Variants in L3HYPDH observed in about 807,000 individuals in gnomAD.
L3HYPDH encodes trans-3-hydroxy-L-proline dehydratase.
A neutral mutation model predicts 26.5 loss-of-function variants in L3HYPDH; 32 were observed. The ratio of observed to expected loss-of-function variants is 1.21; its 90% confidence interval spans 0.91 to 1.62. The LOEUF (loss-of-function observed/expected upper bound fraction) is 1.62, where lower values mean the gene tolerates loss of function less well. L3HYPDH is among the 40% of genes most tolerant of loss of function. The pLI, the probability that L3HYPDH is intolerant of heterozygous loss-of-function variation, is 0.00. For synonymous variants in L3HYPDH, 215 were observed against 196.6 expected (o/e 1.09, Z -0.78); for missense variants, 554 against 476.4 (o/e 1.16, Z -1.52).
chr14:59,493,213 C>T, the L3HYPDH span, among the ~76,000 whole-genome samples: 1 of 152,298 alleles, frequency 6.6e-6, no homozygotes, highest in South Asian at 2.1e-4. Context: ...CAGAAATTCA[C>T]ACCTGCATGC....
chr14:59,474,682 C>T (rs1889506493), intron 4 of L3HYPDH: 3 of 561,876 alleles, frequency 5.3e-6, no homozygotes, highest in Middle Eastern at 2.7e-4. Context: ...TCCAATTCTC[C>T]GTTTTATCAT....
intron 1 of L3HYPDH, among the ~76,000 whole-genome samples, chr14:59,481,106 G>A (rs562323829): frequency 6.6e-6 from 1 of 152,272 alleles, no homozygotes; most frequent in East Asian, 1.9e-4. Flanking sequence ...TCTTGGGTCT[G>A]GTTTTCTTAG....
intron 1 of L3HYPDH, 50 bp downstream of exon 1, chr14:59,483,759 C>T: frequency 3.2e-6 from 5 of 1,571,802 alleles, no homozygotes; most frequent in Non-Finnish European, 4.3e-6. Flanking sequence ...TGTAGTTAGT[C>T]GCGTCCCGGT....
chr14:59,484,157 T>G lies in L3HYPDH; in HGVS notation c.160A>C (p.Met54Leu). 1.2e-6 allele frequency: 2 copies of G among 1,600,842 alleles called. No individual in the cohort carries two copies. The highest frequency in any genetic ancestry group is 1.1e-5 in the South Asian group (1 of 90,932). ...GPTLLAKRRY[M>L]RQHLDHVRRR... ...CGCACGTGGTCAAGGTGCTGGCGCA[T>G]GTAGCGCCGCTTGGCCAGCAGGGTG... Residue 54 changes from methionine to leucine, a missense_variant, in exon 1 of 5, where the codon ATG becomes CTG. Coordinates refer to ENST00000247194, the MANE Select transcript of L3HYPDH (RefSeq NM_144581.2).
Position 59,472,678 on chromosome 14 carries a change from G to A in L3HYPDH, c.*287C>T, listed in dbSNP as rs1889350572. The stretch of plus-strand genomic sequence containing the variant: ...TGATATTAATAGTAATTACTATAGA[G>A]CAATATTTTAAAAGTAACTACTGTT... On this transcript the variant is annotated 3_prime_UTR_variant, in exon 5 of 5. Coordinates refer to ENST00000247194, the MANE Select transcript of L3HYPDH (RefSeq NM_144581.2). 1 of 249,298 alleles carries A rather than the reference G, an allele frequency of 4.0e-6. No homozygotes were observed. 15.4% of individuals were successfully genotyped at this position (249,298 alleles called of 1,614,324 possible).
At chr14:59,468,048 G>A (rs1487035960), downstream of L3HYPDH, among the ~76,000 whole-genome samples, 1 of 138,420 alleles carries the variant, frequency 7.2e-6, no homozygotes, top group Non-Finnish European at 1.5e-5. Context: ...TAGGCAGCTA[G>A]GCATAATGCT....
the L3HYPDH span, chr14:59,500,929 A>G: frequency 1.4e-5 from 5 of 355,678 alleles, no homozygotes; most frequent in Non-Finnish European, 2.0e-5. Context: ...CCATTCATGT[A>G]TGTATTCTCT....
At chr14:59,470,268 G>A (rs1047882404), downstream of L3HYPDH, among the ~76,000 whole-genome samples, 3 of 152,160 alleles carry the variant, frequency 2.0e-5, no homozygotes, top group African/African-American at 7.2e-5. Context: ...ACTCCAACCA[G>A]CAACATTAGC....
At chr14:59,484,752 C>A, upstream of L3HYPDH, 2 of 1,036,566 alleles carry the variant, frequency 1.9e-6, no homozygotes, top group Non-Finnish European at 2.8e-6. Context: ...CGCACTCCTG[C>A]GGGGTTGGGG....
At chr14:59,486,699 T>A (rs1890606872), upstream of L3HYPDH, 1 of 1,542,922 alleles carries the variant, frequency 6.5e-7, no homozygotes, top group Admixed American at 1.9e-5. Context: ...ATACTGGCAT[T>A]TGTTTTTAAA....
chr14:59,501,730 C>T, the L3HYPDH span, among the ~76,000 whole-genome samples: 1 of 152,090 alleles, frequency 6.6e-6, no homozygotes, highest in East Asian at 1.9e-4. Flanking sequence ...TGGATGTTTA[C>T]TTTTACCCCA....
the L3HYPDH span, among the ~76,000 whole-genome samples, chr14:59,502,755 T>TGTTTTTTTTTTTTTTGTTTTG: frequency 8.1e-6 from 1 of 122,918 alleles, no homozygotes; most frequent in Non-Finnish European, 1.6e-5. Flanking sequence ...ATGAGATTTT[T>TGTTTTTTTTTTTTTTGTTTTG]TTTTTTTTTT....
At chr14:59,491,451 A>G in the L3HYPDH span, among the ~76,000 whole-genome samples, 2 of 152,282 alleles carry the variant, frequency 1.3e-5, no homozygotes, top group Non-Finnish European at 2.9e-5. Flanking sequence ...GAAGGTTATC[A>G]AAGTAATGGC....
At chr14:59,471,240 T>C (rs76697354), downstream of L3HYPDH, among the ~76,000 whole-genome samples, 6,392 of 152,258 alleles carry the variant, frequency 0.042, 179 homozygotes, top group Middle Eastern at 0.11. Context: ...GTAATAGCTA[T>C]TGTTTAATGT....
upstream of L3HYPDH, among the ~76,000 whole-genome samples, chr14:59,488,405 C>A (rs762880472): frequency 6.6e-6 from 1 of 151,990 alleles, no homozygotes; most frequent in Non-Finnish European, 1.5e-5. Flanking sequence ...AAACAAAGTA[C>A]TCTGGAGTTA....
At chr14:59,484,724 C>T (rs1890382533), upstream of L3HYPDH, 4 of 1,196,418 alleles carry the variant, frequency 3.3e-6, no homozygotes, top group Non-Finnish European at 4.8e-6. Flanking sequence ...TGACCCCGCC[C>T]GCCCTCGGGC....
At chr14:59,504,105 A>C in the L3HYPDH span, 2 of 1,306,070 alleles carry the variant, frequency 1.5e-6, no homozygotes, top group Non-Finnish European at 1.1e-6. Flanking sequence ...AAACCTGAGA[A>C]GTGCTCCTAA....
chr14:59,489,518 A>G, the L3HYPDH span, among the ~76,000 whole-genome samples: 319 of 152,310 alleles, frequency 2.1e-3, 1 homozygote, highest in African/African-American at 6.9e-3. Flanking sequence ...TAAGGCTCTA[A>G]GATGTTCCAC....
rs1454169991 is a variant in L3HYPDH at position 59,479,188 on chromosome 14, T to C, written c.672A>G (p.Lys224=). ...AAGGCAGAGTATTACTGACCTGAGC[T>C]TTCACTGCCTCTGTCACTGCACTCG... ...DAASAVTEAV[K]AQFKINHPDS... is the part of the protein sequence containing the mutation. Residue 224 remains lysine (K), a synonymous_variant, in exon 2 of 5, where the codon AAA becomes AAG. Coordinates refer to ENST00000247194, the MANE Select transcript of L3HYPDH (RefSeq NM_144581.2). 40 of 1,604,310 alleles carry C rather than the reference T, an allele frequency of 2.5e-5. No homozygotes were observed. The highest frequency in any genetic ancestry group is 3.3e-5 in the Non-Finnish European group (39 of 1,177,398).
Sources: gnomAD v4.1 joint callset for allele counts (sites outside exome capture counted in the v4.1 genomes callset) on GRCh38, gnomAD v4.1.1 for gene constraint, MANE v1.5 for transcripts, NCBI Gene and HGNC (gene_info 2026-07-23, HGNC 2026-07-21) for gene names.